NPAS3: variants seen among roughly 807,000 people sequenced by gnomAD.
NPAS3 encodes the protein neuronal PAS domain protein 3, also known as neuronal PAS domain-containing protein 3.
A neutral mutation model predicts 73.1 loss-of-function variants in NPAS3; 14 were observed. The observed-to-expected ratio is 0.19, with a 90% CI of 0.13 to 0.30. The LOEUF is 0.30. NPAS3 is among the 10% of genes least tolerant of loss of function. NPAS3 has a pLI of 1.00. For missense variants in NPAS3, 1,096 were observed against 1,250.0 expected, an observed-to-expected ratio of 0.88 and a Z score of 1.86; for synonymous variants, 620 against 541.5, an observed-to-expected ratio of 1.14 and a Z score of -2.01.
intron 3 of NPAS3, among the ~76,000 whole-genome samples, chr14:33,223,793 T>C (rs2047520150): frequency 6.6e-6 from 1 of 151,924 alleles, no homozygotes; most frequent in Non-Finnish European, 1.5e-5. Flanking sequence ...CCCCTGTACA[T>C]GGAGGTACCA....
intron 5 of NPAS3, chr14:33,611,154 T>G (rs1231343463): frequency 6.6e-6 from 1 of 152,184 alleles, no homozygotes; most frequent in African/African-American, 2.4e-5. Context: ...CCGATAGACC[T>G]CCCTAAGAAT....
intron 3 of NPAS3, among the ~76,000 whole-genome samples, chr14:33,299,812 A>G (rs1456955988): frequency 6.6e-6 from 1 of 152,186 alleles, no homozygotes; most frequent in African/African-American, 2.4e-5. Context: ...TATTTGGAAC[A>G]TTATTTGACC....
At chr14:33,040,054 T>A (rs1312389899) in intron 1 of NPAS3, among the ~76,000 whole-genome samples, 1 of 152,182 alleles carries the variant, frequency 6.6e-6, no homozygotes, top group Non-Finnish European at 1.5e-5. Flanking sequence ...AAATATTTTC[T>A]TTTTTTCTTT....
At chr14:33,704,309 T>C (rs971799105) in intron 6 of NPAS3, among the ~76,000 whole-genome samples, 1 of 152,210 alleles carries the variant, frequency 6.6e-6, no homozygotes, top group Non-Finnish European at 1.5e-5. Flanking sequence ...TTTAAGTTCT[T>C]GTAACAACAG....
chr14:33,025,118 A>C (rs767266727), intron 1 of NPAS3, among the ~76,000 whole-genome samples: 1 of 152,228 alleles, frequency 6.6e-6, no homozygotes, highest in Non-Finnish European at 1.5e-5. Flanking sequence ...GGGAGAGGAC[A>C]GAGGAGGCTG....
chr14:33,089,344 T>A (rs1231366276), intron 2 of NPAS3, among the ~76,000 whole-genome samples: 4 of 152,116 alleles, frequency 2.6e-5, no homozygotes, highest in Non-Finnish European at 4.4e-5. Flanking sequence ...AAGAACTATG[T>A]GATGAATGCA....
At chr14:32,999,737 G>A (rs986511943) in intron 1 of NPAS3, among the ~76,000 whole-genome samples, 2 of 152,128 alleles carry the variant, frequency 1.3e-5, no homozygotes, top group Non-Finnish European at 1.5e-5. Context: ...AAATCTGTTA[G>A]TGATGTATTT....
At chr14:33,209,549 G>T (rs993856980) in intron 2 of NPAS3, among the ~76,000 whole-genome samples, 1 of 152,184 alleles carries the variant, frequency 6.6e-6, no homozygotes, top group Non-Finnish European at 1.5e-5. Context: ...AAAGGTTCAT[G>T]AGTTAAAATG....
chr14:33,221,006 T>C (rs78853288), intron 3 of NPAS3, among the ~76,000 whole-genome samples: 2,546 of 152,298 alleles, frequency 0.017, 25 homozygotes, highest in Non-Finnish European at 0.026. Flanking sequence ...CAACAAGCTT[T>C]TACTCATGGA....
At chr14:33,539,342 G>C (rs763048418) in intron 4 of NPAS3, among the ~76,000 whole-genome samples, 1 of 152,038 alleles carries the variant, frequency 6.6e-6, no homozygotes, top group Non-Finnish European at 1.5e-5. Context: ...CTCTTAAGAG[G>C]GAGGTGATGT....
intron 3 of NPAS3, among the ~76,000 whole-genome samples, chr14:33,236,672 C>T (rs958808873): frequency 2.6e-5 from 4 of 152,080 alleles, no homozygotes. Flanking sequence ...AGTCAACTCC[C>T]TGTGACCTTG....
At chr14:33,009,788 C>G (rs930689073) in intron 1 of NPAS3, among the ~76,000 whole-genome samples, 1 of 152,064 alleles carries the variant, frequency 6.6e-6, no homozygotes, top group Non-Finnish European at 1.5e-5. Context: ...TGGTGAGTGC[C>G]AAAGCAGGTA....
intron 1 of NPAS3, among the ~76,000 whole-genome samples, chr14:33,024,216 G>A (rs570557383): frequency 1.3e-5 from 2 of 151,306 alleles, no homozygotes; most frequent in South Asian, 2.1e-4. Flanking sequence ...CTGTCACCCA[G>A]GCTGGAGTAC....
intron 5 of NPAS3, chr14:33,583,302 C>T (rs146834327): frequency 1.3e-5 from 2 of 152,278 alleles, no homozygotes; most frequent in African/African-American, 4.8e-5. Flanking sequence ...GGGTTCCAGT[C>T]GCACCTACAG....
intron 5 of NPAS3, among the ~76,000 whole-genome samples, chr14:33,584,299 G>A (rs1220572722): frequency 6.6e-6 from 1 of 151,742 alleles, no homozygotes; most frequent in Non-Finnish European, 1.5e-5. Context: ...TGCATTTGAA[G>A]ACATGATTTT....
chr14:33,693,693 G>A (rs1444410104), intron 6 of NPAS3, among the ~76,000 whole-genome samples: 2 of 152,152 alleles, frequency 1.3e-5, no homozygotes, highest in Non-Finnish European at 2.9e-5. Context: ...TGTCAGATGT[G>A]ATTCTTAATA....
intron 2 of NPAS3, among the ~76,000 whole-genome samples, chr14:33,108,819 A>C (rs1010918719): frequency 1.3e-5 from 2 of 152,116 alleles, no homozygotes; most frequent in Non-Finnish European, 2.9e-5. Flanking sequence ...AGAAAAATTT[A>C]ATATAGTCTG....
At chr14:33,139,882 G>A (rs1304436539) in intron 2 of NPAS3, among the ~76,000 whole-genome samples, 3 of 151,696 alleles carry the variant, frequency 2.0e-5, no homozygotes, top group Non-Finnish European at 2.9e-5. Context: ...AGATTTCCAC[G>A]TGCTTTCCCT....
chr14:33,290,734 T>C (rs1182526708), intron 3 of NPAS3, among the ~76,000 whole-genome samples: 1 of 152,248 alleles, frequency 6.6e-6, no homozygotes, highest in African/African-American at 2.4e-5. Flanking sequence ...CTTCCATAAC[T>C]GGATGCTTTG....
Sources: gnomAD v4.1 joint callset for allele counts (sites outside exome capture counted in the v4.1 genomes callset) on GRCh38, gnomAD v4.1.1 for gene constraint, MANE v1.5 for transcripts, NCBI Gene and HGNC (gene_info 2026-07-23, HGNC 2026-07-21) for gene names.